The following NFIX variants were observed in gnomAD, a reference collection of about 807,000 sequenced individuals.
NFIX encodes the protein nuclear factor 1 X-type.
In NFIX, 2 loss-of-function variants were observed where a neutral mutation model predicts 53.3. That is an observed-to-expected ratio of 0.04 (90% confidence interval 0.02 to 0.12). The LOEUF is 0.12. Among genes scored for constraint, NFIX ranks in the 10% least tolerant of loss-of-function variants. NFIX has a pLI of 1.00. For synonymous variants in NFIX, 244 were observed against 289.0 expected (o/e 0.84, Z 1.58); for missense variants, 310 against 674.5 (o/e 0.46, Z 5.99).
At position 12,996,746 on chromosome 19, in the gene NFIX, G is replaced by A. The variant is rs2011483517; in HGVS notation, c.27+882G>A. Among the ~76,000 whole-genome samples the A allele has an allele frequency of 3.9e-5, 6 of 152,244 alleles. No individual in the cohort carries two copies. The highest frequency in any genetic ancestry group is 3.9e-4 in the Admixed American group (6 of 15,286). The stretch of plus-strand genomic sequence containing the variant: ...CCGTGGACACAGCCGACAGTGCTGC[G>A]GCCACACCGTCGGGTCAGCCTCGGG... On this transcript the variant is annotated intron_variant, in intron 1 of 10. Transcript: ENST00000592199. The surrounding 1 kb of genome is among the most constrained non-coding windows in gnomAD (Gnocchi z 5.2).
intron 1 of NFIX, chr19:13,024,029 T>G (rs979625778): frequency 8.4e-6 from 12 of 1,430,638 alleles, no homozygotes; most frequent in Non-Finnish European, 1.1e-5. Flanking sequence ...GTGCTTCAGA[T>G]CAATGGTAAT....
At chr19:13,080,506 T>A (rs1245819043) in intron 7 of NFIX, among the ~76,000 whole-genome samples, 1 of 152,216 alleles carries the variant, frequency 6.6e-6, no homozygotes, top group Admixed American at 6.5e-5. Context: ...ATTACAGGTA[T>A]GAGCCACAGC....
chr19:13,065,655 T>TTC (rs896566728), intron 2 of NFIX, among the ~76,000 whole-genome samples: 3 of 152,086 alleles, frequency 2.0e-5, no homozygotes, highest in African/African-American at 7.2e-5. Context: ...GGCATATCCC[T>TTC]TCTCTCTCTC....
rs1303357488 is a variant in NFIX, at chr19:13,078,773, A to T, written c.1078+38A>T. ...GGGCCCCGGAGGGGGGCAGTTGGGG[A>T]GGTGGCTGAGTATCTAGGGGCAGCT... On this transcript the variant is annotated intron_variant, in intron 7 of 10. Transcript: ENST00000592199. The surrounding 1 kb of genome is among the most constrained non-coding windows in gnomAD (Gnocchi z 4.7). 8.2e-6 allele frequency: 13 copies of T among 1,577,138 alleles called. No homozygotes were observed. The highest frequency in any genetic ancestry group is 1.1e-5 in the Non-Finnish European group (13 of 1,160,686).
rs937337133 is a variant in NFIX, at chr19:13,088,688, C to A, written c.1402+552C>A. ...CCCGACCCCTTCCCCCTCAGTCTCA[C>A]ATTTGGTTTCTCGTTGTTCCTCTTT... On this transcript the variant is annotated intron_variant, in intron 9 of 10. Transcript: ENST00000592199. This position sits in a 1 kb window ranked among gnomAD's most constrained non-coding sequence, Gnocchi z 5.9. Among the ~76,000 whole-genome samples the A allele has an allele frequency of 5.3e-5, 8 of 151,778 alleles. No homozygotes were observed. Among genetic ancestry groups the A allele is most frequent in the African/African-American group, 1.9e-4 (8 of 41,312 alleles).
rs1599843266 is a variant in NFIX, at chr19:13,073,230, G to A, written c.622+121G>A. On this transcript the variant is annotated intron_variant, in intron 3 of 10. Coordinates refer to ENST00000592199, the MANE Select transcript of NFIX (RefSeq NM_001365902.3). This position sits in a 1 kb window ranked among gnomAD's most constrained non-coding sequence, Gnocchi z 4.5. The stretch of plus-strand genomic sequence containing the variant: ...CTTCATTCAGCTGTCCCTTGACTGA[G>A]CTTAGCTTGCTGTCCTGAGGGGATG... The A allele has an allele frequency of 9.4e-7, 1 of 1,069,024 alleles. No homozygotes were observed. Among genetic ancestry groups the A allele is most frequent in the Non-Finnish European group, 1.5e-6 (1 of 687,284 alleles). 66.2% of individuals were successfully genotyped at this position (1,069,024 alleles called of 1,614,324 possible).
At position 13,013,197 on chromosome 19, in the gene NFIX, C is replaced by T. The variant is rs897935385; in HGVS notation, c.28-11824C>T. On this transcript the variant is annotated intron_variant, in intron 1 of 10. Transcript: ENST00000592199. The surrounding 1 kb of genome is among the most constrained non-coding windows in gnomAD (Gnocchi z 5.9). Reference sequence around the variant, plus strand: ...CCACCCGTTGCTACCAGCCCTTTTGCAGCACTTCCTGGGCAGGCCAGGGGA... The same window carrying T: ...CCACCCGTTGCTACCAGCCCTTTTGTAGCACTTCCTGGGCAGGCCAGGGGA... Among the ~76,000 whole-genome samples, 2 of 152,150 alleles carry T rather than the reference C, an allele frequency of 1.3e-5. No individual in the cohort carries two copies. Among genetic ancestry groups the T allele is most frequent in the Non-Finnish European group, 2.9e-5 (2 of 68,030 alleles).
rs1452564247 is a variant in NFIX at position 13,089,207 on chromosome 19, G to A, written c.1402+1071G>A. Among the ~76,000 whole-genome samples the A allele has an allele frequency of 6.6e-6, 1 of 152,146 alleles. No individual in the cohort carries two copies. Among genetic ancestry groups the A allele is most frequent in the Admixed American group, 6.5e-5 (1 of 15,284 alleles). On this transcript the variant is annotated intron_variant, in intron 9 of 10. Transcript: ENST00000592199. The surrounding 1 kb of genome is among the most constrained non-coding windows in gnomAD (Gnocchi z 4.8). ...TGGGCAGGGTGGGGGATGGGAGCTGGGCTACAGGGTTCGGGGGCCACTTCT... is the reference window on the plus strand; with the variant it reads ...TGGGCAGGGTGGGGGATGGGAGCTGAGCTACAGGGTTCGGGGGCCACTTCT...
chr19:13,034,243 T>G (rs937499786), intron 2 of NFIX, among the ~76,000 whole-genome samples: 9 of 152,186 alleles, frequency 5.9e-5, no homozygotes, highest in African/African-American at 2.2e-4. Context: ...GCGGCTCAGC[T>G]CAAGGGCTCC....
At chr19:13,003,741 C>T (rs369605082) in intron 1 of NFIX, among the ~76,000 whole-genome samples, 13 of 152,116 alleles carry the variant, frequency 8.5e-5, no homozygotes, top group South Asian at 6.2e-4. Flanking sequence ...CAAGCTCAAA[C>T]GATCTACCCA....
intron 5 of NFIX, 27 bp from the exon 6 acceptor site, chr19:13,075,508 C>T (rs770109623): frequency 6.2e-7 from 1 of 1,612,068 alleles, no homozygotes; most frequent in East Asian, 2.2e-5. Flanking sequence ...CATCCTTGGC[C>T]CATGTGACCC....
chr19:13,057,919 T>C (rs1263682128), intron 2 of NFIX, among the ~76,000 whole-genome samples: 1 of 152,144 alleles, frequency 6.6e-6, no homozygotes, highest in Admixed American at 6.5e-5. Flanking sequence ...TTTAGCAGCT[T>C]ATAAACATCC....
chr19:13,055,536 T>C (rs991517081), intron 2 of NFIX, among the ~76,000 whole-genome samples: 5 of 152,158 alleles, frequency 3.3e-5, no homozygotes, highest in African/African-American at 1.2e-4. Context: ...ACCACATGTG[T>C]CTGTGGAGTG....
chr19:13,089,845 C>G lies in NFIX; in HGVS notation c.1403-454C>G, dbSNP rs538701662. Among the ~76,000 whole-genome samples the G allele has an allele frequency of 1.3e-5, 2 of 152,304 alleles. No homozygotes were observed. Among genetic ancestry groups the G allele is most frequent in the African/African-American group, 2.4e-5 (1 of 41,570 alleles). ...AAAGCCTCCACCCTCCCCTGGCCCC[C>G]TCTCTTCAGTACCTGAGAGGGGCCA... On this transcript the variant is annotated intron_variant, in intron 9 of 10. Coordinates refer to ENST00000592199, the MANE Select transcript of NFIX (RefSeq NM_001365902.3). This position sits in a 1 kb window ranked among gnomAD's most constrained non-coding sequence, Gnocchi z 4.8.
At chr19:13,019,381 C>T (rs2012838661) in intron 1 of NFIX, among the ~76,000 whole-genome samples, 1 of 152,126 alleles carries the variant, frequency 6.6e-6, no homozygotes, top group Non-Finnish European at 1.5e-5. Context: ...TTTTGAAAAC[C>T]ATGCATTTCT....
intron 2 of NFIX, among the ~76,000 whole-genome samples, chr19:13,039,228 CCA>C (rs1555698306): frequency 6.9e-5 from 10 of 144,576 alleles, no homozygotes; most frequent in Middle Eastern, 3.4e-3. Context: ...ACACCCCCCC[CCA>C]CACACACACA....
At chr19:12,995,949 C>CGGCCGGGAAGGGGG (rs2011449054) in intron 1 of NFIX, 85 bp downstream of exon 1, 2 of 545,714 alleles carry the variant, frequency 3.7e-6, no homozygotes, top group African/African-American at 2.1e-5. Flanking sequence ...GGACGCGCGG[C>CGGCCGGGAAGGGGG]GGCCGGGAAG....
chr19:13,024,852 G>A (rs2013192291), intron 1 of NFIX, 169 bp from the exon 2 acceptor site: 2 of 1,317,938 alleles, frequency 1.5e-6, no homozygotes, highest in Middle Eastern at 1.8e-4. Flanking sequence ...CACTTTCGTA[G>A]AACAATCGCA....
At position 13,081,602 on chromosome 19, in the gene NFIX, C is replaced by T. The variant is rs1268756032; in HGVS notation, c.1079-78C>T. On this transcript the variant is annotated intron_variant, in intron 7 of 10. Transcript: ENST00000592199. This position sits in a 1 kb window ranked among gnomAD's most constrained non-coding sequence, Gnocchi z 4.7. ...ATCCTCAGGACCCTCTGACCGGCAGCTCCCCTCCTCTCCTGTCCCTCCCAC... is the reference window on the plus strand; with the variant it reads ...ATCCTCAGGACCCTCTGACCGGCAGTTCCCCTCCTCTCCTGTCCCTCCCAC... 3 of 1,468,308 alleles carry T rather than the reference C, an allele frequency of 2.0e-6. No homozygotes were observed. In the African/African-American group the frequency reaches 4.2e-5, roughly 20 times the overall value. 91.0% of individuals were successfully genotyped at this position (1,468,308 alleles called of 1,614,324 possible). A position where few individuals can be genotyped will look rare whatever the true frequency, so the allele number is the denominator to read the frequency against.
Sources: allele counts gnomAD v4.1 joint callset (sites outside exome capture counted in the v4.1 genomes callset), GRCh38; gene constraint gnomAD v4.1.1; non-coding constraint Gnocchi (gnomAD v3.1); transcripts MANE v1.5; gene names NCBI Gene and HGNC (gene_info 2026-07-23, HGNC 2026-07-21).